GPC6: variants seen among roughly 807,000 people sequenced by gnomAD.
GPC6 encodes glypican 6, also known as glypican-6.
In GPC6, 14 loss-of-function variants were observed where a neutral mutation model predicts 55.2. The observed-to-expected ratio is 0.25, with a 90% CI of 0.17 to 0.40. The LOEUF (loss-of-function observed/expected upper bound fraction) is 0.40, where lower values mean the gene tolerates loss of function less well. Ranked by LOEUF, GPC6 falls within the 10% of genes least tolerant of loss-of-function variation. GPC6 has a pLI of 1.00. For synonymous variants in GPC6, 278 were observed against 259.6 expected, an observed-to-expected ratio of 1.07 and a Z score of -0.68; for missense variants, 641 against 708.5, an observed-to-expected ratio of 0.90 and a Z score of 1.08.
At chr13:94,231,387 G>C (rs1015557992) in intron 4 of GPC6, among the ~76,000 whole-genome samples, 1 of 152,140 alleles carries the variant, frequency 6.6e-6, no homozygotes, top group Non-Finnish European at 1.5e-5. Context: ...TGTTTCTGAA[G>C]AAGCAAGTTC....
intron 4 of GPC6, among the ~76,000 whole-genome samples, chr13:94,272,803 T>C (rs1310803952): frequency 2.0e-5 from 3 of 151,966 alleles, no homozygotes; most frequent in Admixed American, 6.6e-5. Flanking sequence ...GGACTGATTG[T>C]AGAGAAGGAG....
chr13:93,582,466 A>G (rs3910923), intron 2 of GPC6, among the ~76,000 whole-genome samples: 18,770 of 152,244 alleles, frequency 0.12, 1,606 homozygotes, highest in East Asian at 0.43. Context: ...TACAATGTAG[A>G]TTATTAACCC....
chr13:93,924,647 A>G (rs1230936280), intron 3 of GPC6, among the ~76,000 whole-genome samples: 4 of 151,570 alleles, frequency 2.6e-5, no homozygotes, highest in Admixed American at 6.6e-5. Context: ...GACTTCGGTT[A>G]ATTGATACAT....
At chr13:94,342,713 C>T (rs1414085202) in intron 6 of GPC6, among the ~76,000 whole-genome samples, 1 of 152,174 alleles carries the variant, frequency 6.6e-6, no homozygotes. Context: ...ATCCGTCACT[C>T]CCTGGTGCAC....
At chr13:93,705,436 T>C (rs189533179) in intron 2 of GPC6, among the ~76,000 whole-genome samples, 1 of 151,948 alleles carries the variant, frequency 6.6e-6, no homozygotes, top group Non-Finnish European at 1.5e-5. Flanking sequence ...TTTTTTGTTA[T>C]TGTAACTTAA....
chr13:93,653,674 C>T (rs1293202843), intron 2 of GPC6, among the ~76,000 whole-genome samples: 7 of 151,242 alleles, frequency 4.6e-5, no homozygotes, highest in African/African-American at 1.5e-4. Context: ...GAAATAGACT[C>T]AGGGAGATTA....
chr13:94,257,178 G>C (rs188791981), intron 4 of GPC6, among the ~76,000 whole-genome samples: 1 of 152,164 alleles, frequency 6.6e-6, no homozygotes, highest in East Asian at 1.9e-4. Context: ...CCTGCAGAGA[G>C]TTTAGGGCAG....
rs898575563 is a variant in GPC6, at chr13:93,991,994, A to G, written c.712-35735A>G. On this transcript the variant is annotated intron_variant, in intron 3 of 8. Transcript: ENST00000377047. ...ACATACATGTGGCATATACATAAAC[A>G]TATATATAATACATCATATTTATAT... is the stretch of plus-strand genomic sequence containing the variant. Among the ~76,000 whole-genome samples the G allele has an allele frequency of 7.2e-5, 11 of 152,108 alleles. No homozygotes were observed. The East Asian group carries it at 2.1e-3, about 29-fold the overall frequency.
At chr13:93,645,865 T>C (rs1880148142) in intron 2 of GPC6, among the ~76,000 whole-genome samples, 1 of 152,108 alleles carries the variant, frequency 6.6e-6, no homozygotes, top group South Asian at 2.1e-4. Flanking sequence ...ATCATCACGC[T>C]AAAGCACGTC....
chr13:93,678,787 G>C (rs1313994264), intron 2 of GPC6, among the ~76,000 whole-genome samples: 1 of 152,146 alleles, frequency 6.6e-6, no homozygotes, highest in East Asian at 1.9e-4. Flanking sequence ...ACGGAGCTCA[G>C]TGGGAAGCTA....
intron 1 of GPC6, among the ~76,000 whole-genome samples, chr13:93,248,691 G>A (rs1876687914): frequency 6.6e-6 from 1 of 152,162 alleles, no homozygotes; most frequent in Admixed American, 6.6e-5. Context: ...GCCGCTGCCT[G>A]AAACTTCTGG....
intron 1 of GPC6, among the ~76,000 whole-genome samples, chr13:93,396,088 T>G (rs560483179): frequency 3.3e-5 from 5 of 152,278 alleles, no homozygotes; most frequent in African/African-American, 1.2e-4. Flanking sequence ...CCTACTGGTA[T>G]CAACATTTGC....
chr13:93,930,714 A>G (rs1213965338), intron 3 of GPC6, among the ~76,000 whole-genome samples: 2 of 152,166 alleles, frequency 1.3e-5, no homozygotes, highest in Non-Finnish European at 2.9e-5. Context: ...GGAAGAAATG[A>G]CAAAAGTCTG....
Position 93,312,052 on chromosome 13 carries a change from G to C in GPC6, c.160+84436G>C, listed in dbSNP as rs997377159. Reference sequence around the variant, plus strand: ...AACAACTCATTAGGAAAGTTACTTTGGCTTAGAAAGTACATAAGCAGCCTA... The same window carrying C: ...AACAACTCATTAGGAAAGTTACTTTCGCTTAGAAAGTACATAAGCAGCCTA... On this transcript the variant is annotated intron_variant, in intron 1 of 8. Coordinates refer to ENST00000377047, the MANE Select transcript of GPC6 (RefSeq NM_005708.5). 5.3e-5 allele frequency among the ~76,000 whole-genome samples: 8 copies of C among 152,112 alleles called. No homozygotes were observed. The South Asian group carries it at 1.2e-3, about 24-fold the overall frequency.
At position 93,581,183 on chromosome 13, in the gene GPC6, A is replaced by G. The variant is rs554160320; in HGVS notation, c.319+35762A>G. The stretch of plus-strand genomic sequence containing the variant: ...AATCTACATGTGAATGTCATGCTTC[A>G]TATCAATGTCAATATTCAGCATCTA... On this transcript the variant is annotated intron_variant, in intron 2 of 8. Transcript: ENST00000377047. 3.3e-5 allele frequency among the ~76,000 whole-genome samples: 5 copies of G among 152,352 alleles called. No homozygotes were observed. In the East Asian group the frequency reaches 9.6e-4, roughly 29 times the overall value.
chr13:94,200,686 TAACTC>T (rs1057046885), intron 4 of GPC6, among the ~76,000 whole-genome samples: 4 of 152,242 alleles, frequency 2.6e-5, no homozygotes, highest in East Asian at 1.9e-4. Flanking sequence ...GGAGAAAAAT[TAACTC>T]AATAGATGTT....
At chr13:94,392,587 G>C (rs904413295) in intron 7 of GPC6, among the ~76,000 whole-genome samples, 2 of 151,858 alleles carry the variant, frequency 1.3e-5, no homozygotes, top group African/African-American at 2.4e-5. Flanking sequence ...GCGCCACCAC[G>C]CGTGGCTAAT....
intron 4 of GPC6, among the ~76,000 whole-genome samples, chr13:94,148,112 C>T (rs867802022): frequency 5.9e-5 from 9 of 152,162 alleles, no homozygotes; most frequent in African/African-American, 1.9e-4. Context: ...ATTAGTGGTC[C>T]TTACCCATGT....
At chr13:93,946,403 A>G (rs1415878295) in intron 3 of GPC6, among the ~76,000 whole-genome samples, 1 of 152,200 alleles carries the variant, frequency 6.6e-6, no homozygotes, top group African/African-American at 2.4e-5. Flanking sequence ...AAGTGCTAAG[A>G]TTACAGACAT....
Sources: allele counts gnomAD v4.1 joint callset (sites outside exome capture counted in the v4.1 genomes callset), GRCh38; gene constraint gnomAD v4.1.1; transcripts MANE v1.5; gene names NCBI Gene and HGNC (gene_info 2026-07-23, HGNC 2026-07-21).